Variants in FGF12 observed in about 807,000 individuals in gnomAD.
The protein encoded by FGF12 is fibroblast growth factor 12B.
FGF12 carries 14 observed loss-of-function variants against 23.6 expected under a neutral mutation model. The ratio of observed to expected loss-of-function variants is 0.59; its 90% CI spans 0.39 to 0.93. The LOEUF (loss-of-function observed/expected upper bound fraction) is 0.93. Ranked by LOEUF, FGF12 falls within the 40% of genes least tolerant of loss-of-function variation. FGF12 has a pLI of 0.00. For synonymous variants in FGF12, 62 were observed against 77.3 expected (o/e 0.80, Z 1.04); for missense variants, 175 against 217.8 (o/e 0.80, Z 1.24).
intron 4 of FGF12, among the ~76,000 whole-genome samples, chr3:192,191,786 A>G (rs1716806022): frequency 6.6e-6 from 1 of 151,864 alleles, no homozygotes; most frequent in Non-Finnish European, 1.5e-5. Flanking sequence ...CAGTGAGCAG[A>G]GATCACGCCA....
intron 2 of FGF12, among the ~76,000 whole-genome samples, chr3:192,574,578 A>G (rs1254759455): frequency 6.6e-6 from 1 of 152,224 alleles, no homozygotes; most frequent in Non-Finnish European, 1.5e-5. Flanking sequence ...AACATAGGTT[A>G]TCATAGCATT....
chr3:192,529,350 C>T (rs1050381105), intron 2 of FGF12, among the ~76,000 whole-genome samples: 3 of 152,204 alleles, frequency 2.0e-5, no homozygotes. Flanking sequence ...ACAATTTCCT[C>T]ATCTCCATCT....
intron 2 of FGF12, among the ~76,000 whole-genome samples, chr3:192,693,557 G>A (rs1255017423): frequency 2.6e-5 from 4 of 152,056 alleles, no homozygotes; most frequent in East Asian, 1.9e-4. Flanking sequence ...CATGAAAACC[G>A]ACACATAGAC....
At chr3:192,221,198 G>A (rs2108572923) in intron 4 of FGF12, among the ~76,000 whole-genome samples, 1 of 152,228 alleles carries the variant, frequency 6.6e-6, no homozygotes, top group South Asian at 2.1e-4. Flanking sequence ...GTTTGACAAA[G>A]CCTCACAAGG....
chr3:192,634,608 T>A (rs944900431), intron 2 of FGF12, among the ~76,000 whole-genome samples: 3 of 152,090 alleles, frequency 2.0e-5, no homozygotes, highest in African/African-American at 7.2e-5. Context: ...AACCGACATC[T>A]GAGAGAGGAA....
chr3:192,343,777 A>C (rs987490262), intron 3 of FGF12, among the ~76,000 whole-genome samples: 17 of 152,146 alleles, frequency 1.1e-4, no homozygotes, highest in African/African-American at 4.1e-4. Context: ...TGTTTGTCTG[A>C]GTTTCCCTGA....
At chr3:192,252,631 A>G (rs934847323) in intron 4 of FGF12, among the ~76,000 whole-genome samples, 16 of 152,044 alleles carry the variant, frequency 1.1e-4, no homozygotes, top group African/African-American at 3.6e-4. Flanking sequence ...TCTCTGTCAA[A>G]GTACTTTCTG....
rs182075993 is a variant in FGF12 at position 192,248,317 on chromosome 3, G to A, written c.229-77661C>T. On this transcript the variant is annotated intron_variant, in intron 4 of 5. Transcript: ENST00000445105. ...AAGCTATTTTCAGATGTATAGATGT[G>A]GCCCAATATGGCACTTTTCATATTC... Among the ~76,000 whole-genome samples, 182 of 152,242 alleles carry A rather than the reference G, an allele frequency of 1.2e-3. 1 individual carries two copies. The highest frequency in any genetic ancestry group is 0.01 in the Middle Eastern group (3 of 294).
chr3:192,436,576 C>T (rs941110417), intron 2 of FGF12, among the ~76,000 whole-genome samples: 6 of 152,182 alleles, frequency 3.9e-5, no homozygotes, highest in African/African-American at 7.2e-5. Flanking sequence ...GCTTTGACTT[C>T]GGTAGTTTTA....
intron 5 of FGF12, among the ~76,000 whole-genome samples, chr3:192,162,411 A>G (rs2108606455): frequency 6.6e-6 from 1 of 152,276 alleles, no homozygotes; most frequent in South Asian, 2.1e-4. Flanking sequence ...AGAAAAAGCA[A>G]TATTTGCAAT....
intron 2 of FGF12, among the ~76,000 whole-genome samples, chr3:192,548,027 A>G (rs1725539253): frequency 6.6e-6 from 1 of 152,190 alleles, no homozygotes; most frequent in Non-Finnish European, 1.5e-5. Context: ...AAACTTTCCA[A>G]CTACTACAGG....
intron 2 of FGF12, among the ~76,000 whole-genome samples, chr3:192,627,055 G>C (rs945326568): frequency 6.6e-6 from 1 of 152,038 alleles, no homozygotes; most frequent in Admixed American, 6.6e-5. Flanking sequence ...TACATGCTAG[G>C]ATATGCTTGG....
chr3:192,532,553 C>T (rs936312276), intron 2 of FGF12, among the ~76,000 whole-genome samples: 9 of 152,084 alleles, frequency 5.9e-5, no homozygotes, highest in South Asian at 2.1e-4. Flanking sequence ...TCAACTTTGT[C>T]GTTGTTGGTG....
At chr3:192,420,668 G>C (rs1024011818) in intron 2 of FGF12, among the ~76,000 whole-genome samples, 3 of 152,120 alleles carry the variant, frequency 2.0e-5, no homozygotes, top group Admixed American at 6.6e-5. Context: ...GTGAGTGAAA[G>C]CTTCTTGAAG....
chr3:192,461,568 G>A lies in FGF12; in HGVS notation c.14-101030C>T, dbSNP rs1170124166. ...TGTGGTTTTTATTTCTTAATTTAAA[G>A]AAATTTTATGTTCTCATTCCTACAA... On this transcript the variant is annotated intron_variant, in intron 2 of 5. Coordinates refer to ENST00000445105, the MANE Select transcript of FGF12 (RefSeq NM_004113.6). Among the ~76,000 whole-genome samples, 3 of 152,084 alleles carry A rather than the reference G, an allele frequency of 2.0e-5. No homozygotes were observed. The South Asian group carries it at 6.2e-4, about 32-fold the overall frequency.
Position 192,174,939 on chromosome 3 carries a change from T to C in FGF12, c.229-4283A>G, listed in dbSNP as rs1174472902. Among the ~76,000 whole-genome samples the C allele has an allele frequency of 4.6e-5, 7 of 152,206 alleles. No homozygotes were observed. The East Asian group carries it at 1.3e-3, about 29-fold the overall frequency. ...TCCAACTCATTATTCACTTTTCACA[T>C]AGCAGGAAAAATGCAATGAATCCTA... On this transcript the variant is annotated intron_variant, in intron 4 of 5. Transcript: ENST00000445105.
chr3:192,346,865 A>G (rs1717990742), intron 3 of FGF12, among the ~76,000 whole-genome samples: 1 of 152,158 alleles, frequency 6.6e-6, no homozygotes, highest in Admixed American at 6.5e-5. Context: ...ATAAAATAGC[A>G]TGAAACATTC....
intron 2 of FGF12, among the ~76,000 whole-genome samples, chr3:192,392,271 T>C (rs958454307): frequency 1.3e-5 from 2 of 152,006 alleles, no homozygotes; most frequent in African/African-American, 4.8e-5. Context: ...AAGATTCAAG[T>C]AGAAAGCTGA....
intron 2 of FGF12, among the ~76,000 whole-genome samples, chr3:192,666,637 G>C (rs192133025): frequency 6.6e-6 from 1 of 152,282 alleles, no homozygotes; most frequent in East Asian, 1.9e-4. Context: ...AATTACCATG[G>C]AGGTCTTCAA....
Sources: allele counts gnomAD v4.1 joint callset (sites outside exome capture counted in the v4.1 genomes callset), GRCh38; gene constraint gnomAD v4.1.1; transcripts MANE v1.5; gene names NCBI Gene and HGNC (gene_info 2026-07-23, HGNC 2026-07-21).